TMEM145: variants seen among roughly 807,000 people sequenced by gnomAD.
TMEM145 encodes transmembrane protein 145.
In TMEM145, 46 loss-of-function variants were observed where a neutral mutation model predicts 68.5. That is an observed-to-expected ratio of 0.67 (90% confidence interval 0.53 to 0.86). TMEM145 has a LOEUF of 0.86. TMEM145 is among the 40% of genes least tolerant of loss of function. The pLI, the probability that TMEM145 is intolerant of heterozygous loss-of-function variation, is 0.00. For synonymous variants in TMEM145, 255 were observed against 280.2 expected (o/e 0.91, Z 0.90); for missense variants, 570 against 645.8 (o/e 0.88, Z 1.27).
chr19:42,315,790 G>A (rs2038850728), intron 8 of TMEM145, among the ~76,000 whole-genome samples: 1 of 152,086 alleles, frequency 6.6e-6, no homozygotes, highest in African/African-American at 2.4e-5. Flanking sequence ...CTAGCACTTG[G>A]GGAGGCCAAG....
At chr19:42,316,762 G>A (rs774339261) in intron 10 of TMEM145, 22 bp downstream of exon 10, 12 of 1,612,544 alleles carry the variant, frequency 7.4e-6, no homozygotes, top group East Asian at 2.2e-5. Context: ...GGGCGTGCTC[G>A]TGGGGCGGCT....
intron 8 of TMEM145, 71 bp from the exon 9 acceptor site, chr19:42,316,410 G>A: frequency 1.4e-6 from 2 of 1,427,618 alleles, no homozygotes; most frequent in Middle Eastern, 1.8e-4. Flanking sequence ...CTGCCTGGAT[G>A]GTAGTGCTAG....
intron 14 of TMEM145, chr19:42,324,149 C>T: frequency 4.3e-6 from 3 of 705,270 alleles, no homozygotes; most frequent in South Asian, 6.3e-5. Flanking sequence ...CCACCCAGTC[C>T]TTCCCTGACT....
chr19:42,313,542 A>T lies in TMEM145; in HGVS notation c.120+46A>T, dbSNP rs1041469795. ...TCTGCGGCCCGCCGGCCCCCGGGGG[A>T]CGCAAGGGAGGCGAGGGGAGCGGGT... On this transcript the variant is annotated intron_variant, in intron 1 of 14. Coordinates refer to ENST00000301204, the MANE Select transcript of TMEM145 (RefSeq NM_173633.3). This position sits in a 1 kb window ranked among gnomAD's most constrained non-coding sequence, Gnocchi z 5.1. The T allele has an allele frequency of 1.6e-6, 2 of 1,242,920 alleles. No individual in the cohort carries two copies. Among genetic ancestry groups the T allele is most frequent in the African/African-American group, 3.1e-5 (2 of 63,972 alleles). 77.0% of individuals were successfully genotyped at this position (1,242,920 alleles called of 1,614,324 possible).
intron 13 of TMEM145, among the ~76,000 whole-genome samples, chr19:42,320,806 T>A (rs1376247705): frequency 6.6e-6 from 1 of 152,054 alleles, no homozygotes; most frequent in Non-Finnish European, 1.5e-5. Flanking sequence ...TTTTTGTATT[T>A]TTAGTAAAGG....
intron 12 of TMEM145, among the ~76,000 whole-genome samples, chr19:42,319,199 T>TC (rs2038888581): frequency 6.6e-6 from 1 of 152,198 alleles, no homozygotes; most frequent in Non-Finnish European, 1.5e-5. Context: ...AGCCAGACTG[T>TC]CCGGGTTCAG....
chr19:42,316,054 A>AACAAAACAAT (rs1323089658), intron 8 of TMEM145, among the ~76,000 whole-genome samples: 1 of 149,708 alleles, frequency 6.7e-6, no homozygotes. Context: ...AACAAAACAA[A>AACAAAACAAT]ACAATAAAGG....
chr19:42,317,361 T>C (rs187264956), intron 11 of TMEM145, among the ~76,000 whole-genome samples: 1 of 152,338 alleles, frequency 6.6e-6, no homozygotes, highest in Admixed American at 6.5e-5. Flanking sequence ...TCTAAGGCTT[T>C]CTATCGTCTG....
intron 13 of TMEM145, 111 bp from the exon 14 acceptor site, chr19:42,323,472 A>G: frequency 9.7e-7 from 1 of 1,026,456 alleles, no homozygotes; most frequent in East Asian, 2.6e-5. Context: ...GAATGGCTTC[A>G]GGGAAGTGTG....
At chr19:42,318,556 G>A (rs764992341) in intron 12 of TMEM145, among the ~76,000 whole-genome samples, 17 of 150,542 alleles carry the variant, frequency 1.1e-4, no homozygotes, top group South Asian at 4.2e-4. Flanking sequence ...GCATGCTGGT[G>A]GGCACCTGTA....
intron 11 of TMEM145, 49 bp downstream of exon 11, chr19:42,317,012 C>T (rs942344224): frequency 5.9e-6 from 9 of 1,527,322 alleles, no homozygotes; most frequent in South Asian, 2.3e-5. Flanking sequence ...CTGCTTTTGG[C>T]GCCGCCTCCC....
intron 11 of TMEM145, 130 bp downstream of exon 11, chr19:42,317,093 T>A: frequency 1.3e-6 from 1 of 751,578 alleles, no homozygotes; most frequent in Non-Finnish European, 2.3e-6. Context: ...ACTCTTCGAT[T>A]TTCTGCTTTC....
chr19:42,323,899 C>T, intron 14 of TMEM145, 110 bp downstream of exon 14: 1 of 985,684 alleles, frequency 1.0e-6, no homozygotes, highest in Non-Finnish European at 1.5e-6. Context: ...CTGAGCCCTC[C>T]TCCTGCCTTT....
intron 13 of TMEM145, among the ~76,000 whole-genome samples, chr19:42,322,237 C>T (rs1301644205): frequency 1.5e-4 from 23 of 152,212 alleles, no homozygotes; most frequent in Admixed American, 1.4e-3. Context: ...CAGAAAGGGA[C>T]AGAAAGAGGA....
In TMEM145 at chr19:42,315,207, G is replaced by C. The variant is rs1411009494; in HGVS notation, c.525G>C (p.Val175=). ...ADEFGILETD[V]TFLLIFILIF... is the part of the protein sequence containing the mutation. Reference sequence around the variant, plus strand: ...CGGCAGGGATCCTGGAGACAGATGTGACCTTCCTCCTCATCTTCATCCTCA... The same window carrying C: ...CGGCAGGGATCCTGGAGACAGATGTCACCTTCCTCCTCATCTTCATCCTCA... The change falls in exon 7 of 15, where the codon GTG becomes GTC. Residue 175 remains valine (V), a synonymous_variant. Transcript: ENST00000301204. 6.2e-7 allele frequency: 1 copy of C among 1,608,674 alleles called. No homozygotes were observed. The highest frequency in any genetic ancestry group is 8.5e-7 in the Non-Finnish European group (1 of 1,176,448).
At chr19:42,314,189 G>A in intron 1 of TMEM145, 83 bp from the exon 2 acceptor site, 1 of 1,471,738 alleles carries the variant, frequency 6.8e-7, no homozygotes, top group Non-Finnish European at 9.5e-7. Context: ...GTACCTGGGG[G>A]GTAGGGAAGA....
At chr19:42,319,109 CAAACA>C (rs1329079325) in intron 12 of TMEM145, among the ~76,000 whole-genome samples, 1 of 151,972 alleles carries the variant, frequency 6.6e-6, no homozygotes, top group Non-Finnish European at 1.5e-5. Flanking sequence ...ACAACAACAA[CAAACA>C]AAACAAAAAA....
intron 14 of TMEM145, 171 bp from the exon 15 acceptor site, chr19:42,324,566 C>T: frequency 3.0e-6 from 3 of 985,208 alleles, no homozygotes; most frequent in Non-Finnish European, 3.6e-6. Flanking sequence ...CATGACCGGG[C>T]CCCGGCCGGG....
At chr19:42,319,038 C>T (rs1014374269) in intron 12 of TMEM145, among the ~76,000 whole-genome samples, 6 of 152,126 alleles carry the variant, frequency 3.9e-5, no homozygotes, top group African/African-American at 1.2e-4. Context: ...GAGTTGAGAT[C>T]GTGCCCCTGT....
Sources: allele counts gnomAD v4.1 joint callset (sites outside exome capture counted in the v4.1 genomes callset), GRCh38; gene constraint gnomAD v4.1.1; non-coding constraint Gnocchi (gnomAD v3.1); transcripts MANE v1.5; gene names NCBI Gene and HGNC (gene_info 2026-07-23, HGNC 2026-07-21).